Variants in MYH6 observed in about 807,000 individuals in gnomAD.
MYH6 encodes the protein myosin heavy chain 6.
Under a neutral mutation model 223.2 loss-of-function variants are expected in MYH6, and 126 were observed. That is an observed-to-expected ratio of 0.56 (90% CI 0.49 to 0.65). The LOEUF (loss-of-function observed/expected upper bound fraction) is 0.65. Ranked by LOEUF, MYH6 falls within the 30% of genes least tolerant of loss-of-function variation. The probability of loss-of-function intolerance (pLI) is 0.00; values close to 1 mark genes in which losing one functional copy is unlikely to be tolerated. For synonymous variants in MYH6, 978 were observed against 1,010.2 expected (o/e 0.97, Z 0.61); for missense variants, 2,040 against 2,536.4 (o/e 0.80, Z 4.20).
rs1198260944 is a variant in MYH6, at chr14:23,397,422, C to T, written c.1962+121G>A. On this transcript the variant is annotated intron_variant, in intron 16 of 38. Coordinates refer to ENST00000405093, the MANE Select transcript of MYH6 (RefSeq NM_002471.4). ...TTTGTGGAATCTACACACTAAAAAA[C>T]GACTACGTAGCCCTAGCTTCTTTCC... 101 of 1,345,694 alleles carry T rather than the reference C, an allele frequency of 7.5e-5. 1 individual carries two copies. Among genetic ancestry groups the T allele is most frequent in the Admixed American group, 1.0e-4 (6 of 58,404 alleles). 83.4% of individuals were successfully genotyped at this position (1,345,694 alleles called of 1,614,324 possible). A position where few individuals can be genotyped will look rare whatever the true frequency, so the allele number is the denominator to read the frequency against.
rs1000380817 is a variant in MYH6 at position 23,405,446 on chromosome 14, C to T, written c.346-67G>A. The T allele has an allele frequency of 6.2e-7, 1 of 1,610,236 alleles. No individual in the cohort carries two copies. Among genetic ancestry groups the T allele is most frequent in the African/African-American group, 1.3e-5 (1 of 74,842 alleles). On this transcript the variant is annotated intron_variant, in intron 4 of 38. Coordinates refer to ENST00000405093, the MANE Select transcript of MYH6 (RefSeq NM_002471.4). The surrounding 1 kb of genome is among the most constrained non-coding windows in gnomAD (Gnocchi z 4.7). ...AGCCTGGGACAGGCAGTGGTGGCAG[C>T]CAGGCATGTCCCTGTTCACTCCAGC...
At chr14:23,391,233 T>G (rs1891228834) in intron 25 of MYH6, among the ~76,000 whole-genome samples, 1 of 152,214 alleles carries the variant, frequency 6.6e-6, no homozygotes, top group Admixed American at 6.5e-5. Flanking sequence ...TATGGACAGC[T>G]TTAATGGACT....
At chr14:23,404,689 G>A (rs533791846) in intron 7 of MYH6, 22 bp downstream of exon 7, 17 of 1,608,300 alleles carry the variant, frequency 1.1e-5, no homozygotes, top group South Asian at 7.7e-5. Context: ...CTGTTCTGCC[G>A]AGCCTGTGTC....
rs750079651 is a variant in MYH6 at position 23,384,729 on chromosome 14, A to G, written c.5290-12T>C. ...GCCATCATGGCGGCCTGTGTGCAGG[A>G]GAGAGGTGGCAAGGAACATGGGCCA... On this transcript the variant is annotated splice_polypyrimidine_tract_variant and intron_variant, in intron 35 of 38. Transcript: ENST00000405093. The G allele has an allele frequency of 6.2e-7, 1 of 1,614,206 alleles. No individual in the cohort carries two copies. Among genetic ancestry groups the G allele is most frequent in the Non-Finnish European group, 8.5e-7 (1 of 1,180,042 alleles).
intron 25 of MYH6, 27 bp downstream of exon 25, chr14:23,392,535 C>T (rs758226366): frequency 6.5e-7 from 1 of 1,548,416 alleles, no homozygotes; most frequent in Admixed American, 1.7e-5. Flanking sequence ...TGAGCTCCCA[C>T]TTTCATGCAC....
rs767229578 is a variant in MYH6 at position 23,389,035 on chromosome 14, A to C, written c.3999T>G (p.His1333Gln). The C allele has an allele frequency of 5.4e-6, 7 of 1,293,288 alleles. No individual in the cohort carries two copies. The highest frequency in any genetic ancestry group is 5.5e-6 in the Non-Finnish European group (5 of 916,906). 80.1% of individuals were successfully genotyped at this position (1,293,288 alleles called of 1,614,324 possible). ...EEGKAKNALAHALQSARHDCD... is the reference protein window; with the variant it reads ...EEGKAKNALAQALQSARHDCD... Reference sequence around the variant, plus strand: ...AGTCATGCCGGGCCGACTGCAGTGCATGGGCCAGGGCGTTCTTCGCCTGGG... The same window carrying C: ...AGTCATGCCGGGCCGACTGCAGTGCCTGGGCCAGGGCGTTCTTCGCCTGGG... The change falls in exon 29 of 39, where the codon CAT becomes CAG. Residue 1333 changes from histidine (H) to glutamine (Q), a missense_variant. Coordinates refer to ENST00000405093, the MANE Select transcript of MYH6 (RefSeq NM_002471.4).
Position 23,384,494 on chromosome 14 carries a change from G to C in MYH6, c.5513C>G (p.Ser1838Trp), listed in dbSNP as rs747673552. ...CTCGCTCTTCCTCATGCCCTTCACCGACTCTGCGTTGCGCTTCTGCTCGGC... is the reference window on the plus strand; with the variant it reads ...CTCGCTCTTCCTCATGCCCTTCACCCACTCTGCGTTGCGCTTCTGCTCGGC... ...LEAEQKRNAE[S>W]VKGMRKSERR... The change falls in exon 36 of 39, where the codon TCG becomes TGG. Residue 1838 changes from serine (S) to tryptophan (W), a missense_variant. Transcript: ENST00000405093. 1.2e-6 allele frequency: 2 copies of C among 1,612,828 alleles called. No homozygotes were observed. The highest frequency in any genetic ancestry group is 1.7e-6 in the Non-Finnish European group (2 of 1,180,012).
rs1891091069 is a variant in MYH6 at position 23,388,035 on chromosome 14, G to A, written c.4360-112C>T. ...GCCGCATGTCCAAGATCTGTCCCTG[G>A]TCCCGAGCCTGGGCTTAGCCCTCCT... is the stretch of plus-strand genomic sequence containing the variant. On this transcript the variant is annotated intron_variant, in intron 30 of 38. Coordinates refer to ENST00000405093, the MANE Select transcript of MYH6 (RefSeq NM_002471.4). 3 of 1,606,336 alleles carry A rather than the reference G, an allele frequency of 1.9e-6. No individual in the cohort carries two copies. In the South Asian group the frequency reaches 3.3e-5, roughly 18 times the overall value.
In MYH6 at chr14:23,407,164, C is replaced by T; in HGVS notation, c.60G>A (p.Glu20=). The T allele has an allele frequency of 6.2e-7, 1 of 1,614,286 alleles. No individual in the cohort carries two copies. The highest frequency in any genetic ancestry group is 8.5e-7 in the Non-Finnish European group (1 of 1,180,048). ...GAAAQYLRKS[E]KERLEAQTRP... is the part of the protein sequence containing the mutation. ...GGGTCTGGGCCTCTAGACGCTCCTT[C>T]TCTGACTTGCGGAGGTACTGGGCCG... The change falls in exon 3 of 39, where the codon GAG becomes GAA. Residue 20 remains glutamate (E), a synonymous_variant. Transcript: ENST00000405093. This position sits in a 1 kb window ranked among gnomAD's most constrained non-coding sequence, Gnocchi z 5.6.
At chr14:23,385,720 A>C (rs1468558219) in intron 34 of MYH6, among the ~76,000 whole-genome samples, 1 of 152,160 alleles carries the variant, frequency 6.6e-6, no homozygotes, top group Non-Finnish European at 1.5e-5. Context: ...GGCAGGTATC[A>C]GCAATCAATC....
At position 23,405,028 on chromosome 14, in the gene MYH6, C is replaced by T; in HGVS notation, c.530+72G>A. 1 of 1,608,236 alleles carries T rather than the reference C, an allele frequency of 6.2e-7. No homozygotes were observed. The highest frequency in any genetic ancestry group is 1.1e-5 in the South Asian group (1 of 90,854). On this transcript the variant is annotated intron_variant, in intron 6 of 38. Transcript: ENST00000405093. The surrounding 1 kb of genome is among the most constrained non-coding windows in gnomAD (Gnocchi z 4.7). ...AATCCCAGCCTTAAACCTCTCCTCC[C>T]AACTACACCCTAGGCATCAGCGTGT...
Position 23,397,026 on chromosome 14 carries a change from T to G in MYH6, c.2105A>C (p.Glu702Ala). The change falls in exon 18 of 39, where the codon GAG becomes GCG. Residue 702 changes from glutamate to alanine, a missense_variant. Glu to Ala is a moderately radical substitution (Grantham distance 107, BLOSUM62 -1). This residue lies in a region of MYH6 where 649 missense variants were observed against 877.3 expected (regional missense o/e 0.74). Transcript: ENST00000405093. ...MHQLRCNGVL[E>A]GIRICRKGFP... is the part of the protein sequence containing the mutation. The stretch of plus-strand genomic sequence containing the variant: ...GCCCTTCCTGCAGATGCGGATGCCC[T>G]CCAGCACGCCATTGCAGCGCAGCTG... The G allele has an allele frequency of 6.2e-7, 1 of 1,614,044 alleles. No individual in the cohort carries two copies. The highest frequency in any genetic ancestry group is 1.1e-5 in the South Asian group (1 of 91,068).
At chr14:23,403,641 T>C in intron 9 of MYH6, 74 bp downstream of exon 9, 2 of 1,420,510 alleles carry the variant, frequency 1.4e-6, no homozygotes, top group Non-Finnish European at 2.0e-6. Flanking sequence ...GCAGGAATGA[T>C]GAGACTGGCC....
Position 23,393,062 on chromosome 14 carries a change from T to C in MYH6, c.3106-5A>G, listed in dbSNP as rs1232543312. On this transcript the variant is annotated splice_region_variant and splice_polypyrimidine_tract_variant and intron_variant, in intron 23 of 38. Coordinates refer to ENST00000405093, the MANE Select transcript of MYH6 (RefSeq NM_002471.4). ...TTGCTCTAGGGATCCCTCCAGCTGT[T>C]GGAGGGAAGAAAATAAGCAAAGTGT... 2 of 1,614,122 alleles carry C rather than the reference T, an allele frequency of 1.2e-6. No individual in the cohort carries two copies. The highest frequency in any genetic ancestry group is 1.7e-5 in the Admixed American group (1 of 60,018).
chr14:23,397,087 CAGGAGGGA>C lies in MYH6; in HGVS notation c.2051-15_2051-8del, dbSNP rs746701222. 2 of 1,614,230 alleles carry C rather than the reference CAGGAGGGA, an allele frequency of 1.2e-6. No homozygotes were observed. Among genetic ancestry groups the C allele is most frequent in the Non-Finnish European group, 1.7e-6 (2 of 1,180,052 alleles). On this transcript the variant is annotated splice_polypyrimidine_tract_variant and splice_region_variant and intron_variant, in intron 17 of 38. Coordinates refer to ENST00000405093, the MANE Select transcript of MYH6 (RefSeq NM_002471.4). ...AGGGGGTTGTCCATCACCCCTGTGTCAGGAGGGAAGGGGAAAGGGTCAGCCTTAGGGTA... is the reference window on the plus strand; with the variant it reads ...AGGGGGTTGTCCATCACCCCTGTGTCAGGGGAAAGGGTCAGCCTTAGGGTA...
intron 11 of MYH6, 31 bp downstream of exon 11, chr14:23,402,666 C>G (rs536829984): frequency 1.1e-5 from 18 of 1,613,454 alleles, no homozygotes; most frequent in Non-Finnish European, 1.5e-5. Flanking sequence ...CCTGGGGTCC[C>G]TCGAACGGCC....
At chr14:23,393,251 A>T in intron 23 of MYH6, 91 bp downstream of exon 23, 1 of 1,559,124 alleles carries the variant, frequency 6.4e-7, no homozygotes, top group South Asian at 1.1e-5. Flanking sequence ...GGGGCCATAG[A>T]AGTTAATTCT....
chr14:23,394,957 C>T (rs561969750), intron 20 of MYH6, among the ~76,000 whole-genome samples: 1 of 152,322 alleles, frequency 6.6e-6, no homozygotes, highest in South Asian at 2.1e-4. Flanking sequence ...CCTCTGCCAC[C>T]CGGATTCAAG....
intron 16 of MYH6, 75 bp downstream of exon 16, chr14:23,397,468 A>T (rs1891433345): frequency 2.6e-6 from 4 of 1,526,942 alleles, no homozygotes; most frequent in Non-Finnish European, 3.6e-6. Flanking sequence ...CAAGCATCAG[A>T]ATAGGTGGTG....
Sources: allele counts gnomAD v4.1 joint callset (sites outside exome capture counted in the v4.1 genomes callset), GRCh38; gene constraint gnomAD v4.1.1; regional missense constraint gnomAD v4.1.1; non-coding constraint Gnocchi (gnomAD v3.1); transcripts MANE v1.5; gene names NCBI Gene and HGNC (gene_info 2026-07-23, HGNC 2026-07-21).